The following TTC29 variants were observed in gnomAD, a reference collection of about 807,000 sequenced individuals.
TTC29 encodes the protein tetratricopeptide repeat domain 29.
Under a neutral mutation model 58.1 loss-of-function variants are expected in TTC29, and 49 were observed. The ratio of observed to expected loss-of-function variants is 0.84; its 90% CI spans 0.67 to 1.07. The LOEUF is 1.07. TTC29 is among the 50% of genes least tolerant of loss of function. The probability of loss-of-function intolerance (pLI) is 0.00; values close to 1 mark genes in which losing one functional copy is unlikely to be tolerated. For synonymous variants in TTC29, 209 were observed against 196.8 expected (o/e 1.06, Z -0.52); for missense variants, 582 against 555.6 (o/e 1.05, Z -0.48).
chr4:146,757,198 T>A (rs1655742510), intron 11 of TTC29, among the ~76,000 whole-genome samples: 1 of 151,278 alleles, frequency 6.6e-6, no homozygotes, highest in African/African-American at 2.4e-5. Flanking sequence ...AGGCTGTTGT[T>A]CGGATTTTTT....
intron 6 of TTC29, among the ~76,000 whole-genome samples, chr4:146,883,540 AACTCTAACACAATAAATAATCCTT>A (rs1731776128): frequency 6.6e-6 from 1 of 152,080 alleles, no homozygotes; most frequent in Non-Finnish European, 1.5e-5. Context: ...CACTTCATCC[AACTCTAACACAATAAATAATCCTT>A]ACACTCCTGG....
intron 4 of TTC29, among the ~76,000 whole-genome samples, chr4:146,919,109 T>C (rs1184174218): frequency 6.6e-6 from 1 of 151,126 alleles, no homozygotes; most frequent in Non-Finnish European, 1.5e-5. Context: ...ATAATTTGTG[T>C]AGAAAAATTT....
At chr4:146,773,017 A>T (rs1579638792) in intron 11 of TTC29, among the ~76,000 whole-genome samples, 3 of 151,964 alleles carry the variant, frequency 2.0e-5, no homozygotes. Context: ...TTGACTCTCA[A>T]CTTGGACTTT....
chr4:146,763,247 A>C (rs1218937257), intron 11 of TTC29, among the ~76,000 whole-genome samples: 1 of 152,118 alleles, frequency 6.6e-6, no homozygotes, highest in East Asian at 1.9e-4. Context: ...ATATAAAGTT[A>C]AGGAAGAGAT....
chr4:146,721,614 G>A (rs916315059), intron 11 of TTC29, among the ~76,000 whole-genome samples: 15 of 152,198 alleles, frequency 9.9e-5, no homozygotes, highest in South Asian at 4.2e-4. Flanking sequence ...GAAGGTGACC[G>A]TTAGATGTCT....
At chr4:146,885,214 A>C (rs903123608) in intron 6 of TTC29, among the ~76,000 whole-genome samples, 2 of 152,068 alleles carry the variant, frequency 1.3e-5, no homozygotes, top group Non-Finnish European at 2.9e-5. Context: ...CAAAATAACA[A>C]AAGATTTTGA....
At chr4:146,812,888 C>G (rs1230124541) in intron 10 of TTC29, 1 of 152,088 alleles carries the variant, frequency 6.6e-6, no homozygotes, top group Non-Finnish European at 1.5e-5. Flanking sequence ...CAGATAATCC[C>G]TATTCTATTA....
At chr4:146,908,250 T>C (rs1733657368) in intron 5 of TTC29, among the ~76,000 whole-genome samples, 1 of 152,236 alleles carries the variant, frequency 6.6e-6, no homozygotes, top group South Asian at 2.1e-4. Context: ...CCCAAAAAAT[T>C]TGGAGAAAAG....
intron 6 of TTC29, among the ~76,000 whole-genome samples, chr4:146,891,258 C>T (rs943555231): frequency 3.9e-5 from 6 of 152,068 alleles, no homozygotes; most frequent in Admixed American, 6.6e-5. Flanking sequence ...GAATGATTTA[C>T]TTTTTAAAAT....
intron 6 of TTC29, among the ~76,000 whole-genome samples, chr4:146,896,583 G>T (rs1201170834): frequency 6.6e-6 from 1 of 152,122 alleles, no homozygotes; most frequent in Non-Finnish European, 1.5e-5. Flanking sequence ...CAGAATTTTA[G>T]GGTGTGTGAG....
At chr4:146,735,242 A>G (rs1446438380) in intron 11 of TTC29, among the ~76,000 whole-genome samples, 1 of 152,094 alleles carries the variant, frequency 6.6e-6, no homozygotes, top group Admixed American at 6.6e-5. Flanking sequence ...TTGGTTACCA[A>G]GAATGTAGTC....
intron 8 of TTC29, among the ~76,000 whole-genome samples, chr4:146,840,168 CTT>C (rs369143176): frequency 4.7e-4 from 65 of 137,668 alleles, no homozygotes; most frequent in Non-Finnish European, 4.8e-4. Flanking sequence ...TGGTTTTTAT[CTT>C]TTTTTTTTTT....
chr4:146,822,236 A>G (rs1751896983), intron 9 of TTC29, among the ~76,000 whole-genome samples: 1 of 151,192 alleles, frequency 6.6e-6, no homozygotes, highest in Non-Finnish European at 1.5e-5. Context: ...CCTCCCCTCA[A>G]TCCCCACCTT....
At chr4:146,857,338 G>T (rs1484773938) in intron 8 of TTC29, among the ~76,000 whole-genome samples, 1 of 149,520 alleles carries the variant, frequency 6.7e-6, no homozygotes, top group Non-Finnish European at 1.5e-5. Flanking sequence ...AGCCACAACA[G>T]TTGGGGGAAA....
intron 8 of TTC29, among the ~76,000 whole-genome samples, chr4:146,846,158 A>C (rs1049001816): frequency 3.3e-5 from 5 of 152,202 alleles, no homozygotes; most frequent in Admixed American, 3.3e-4. Context: ...GTAAATGAAA[A>C]GTGTATGAAA....
chr4:146,902,429 C>A (rs57835068), intron 6 of TTC29, among the ~76,000 whole-genome samples: 9,803 of 152,134 alleles, frequency 0.064, 1,081 homozygotes, highest in African/African-American at 0.22. Context: ...TGCATATGTA[C>A]CCCTGAACTT....
At chr4:146,815,944 A>C (rs1179389254) in intron 10 of TTC29, among the ~76,000 whole-genome samples, 1 of 152,240 alleles carries the variant, frequency 6.6e-6, no homozygotes, top group African/African-American at 2.4e-5. Flanking sequence ...AGAAAGCACA[A>C]GGAAAATAAA....
intron 5 of TTC29, among the ~76,000 whole-genome samples, chr4:146,907,579 A>G (rs1233685215): frequency 2.0e-5 from 3 of 152,174 alleles, no homozygotes; most frequent in African/African-American, 7.2e-5. Context: ...GCTCACTGCA[A>G]CTTTTGTCTC....
chr4:146,775,724 T>C (rs552908455), intron 11 of TTC29, among the ~76,000 whole-genome samples: 138 of 152,260 alleles, frequency 9.1e-4, no homozygotes, highest in African/African-American at 3.1e-3. Context: ...CTGATGTTTA[T>C]GTGTCTTAGG....
Sources: gnomAD v4.1 joint callset for allele counts (sites outside exome capture counted in the v4.1 genomes callset) on GRCh38, gnomAD v4.1.1 for gene constraint, MANE v1.5 for transcripts, NCBI Gene and HGNC (gene_info 2026-07-23, HGNC 2026-07-21) for gene names.